STK17A: variants seen among roughly 807,000 people sequenced by gnomAD.
STK17A encodes serine/threonine kinase 17a.
STK17A carries 26 observed loss-of-function variants against 43.7 expected under a neutral mutation model. The observed-to-expected ratio is 0.60, with a 90% CI of 0.44 to 0.83. The LOEUF (loss-of-function observed/expected upper bound fraction) is 0.83. STK17A is among the 40% of genes least tolerant of loss of function. STK17A has a pLI of 0.00. For missense variants in STK17A, 476 were observed against 511.6 expected (o/e 0.93, Z 0.67); for synonymous variants, 191 against 182.5 (o/e 1.05, Z -0.38).
chr7:43,598,745 TTTG>T (rs769415761), intron 2 of STK17A, among the ~76,000 whole-genome samples: 1 of 151,904 alleles, frequency 6.6e-6, no homozygotes, highest in Non-Finnish European at 1.5e-5. Context: ...TTTAAATGTT[TTTG>T]TTGTTCTTTT....
rs74764536 is a variant in STK17A at position 43,615,083 on chromosome 7, A to G, written c.565-4514A>G. Among the ~76,000 whole-genome samples, 423 of 152,384 alleles carry G rather than the reference A, an allele frequency of 2.8e-3. 2 individuals are homozygous for G. Among genetic ancestry groups the G allele is most frequent in the African/African-American group, 9.6e-3 (399 of 41,588 alleles). On this transcript the variant is annotated intron_variant, in intron 3 of 6. Transcript: ENST00000319357. The stretch of plus-strand genomic sequence containing the variant: ...TGTACTCAAAAGGGCAAAACATTCA[A>G]TTATGAATATGTATCACTGAACCAA...
intron 3 of STK17A, 112 bp downstream of exon 3, chr7:43,608,512 A>G: frequency 1.5e-6 from 2 of 1,312,012 alleles, no homozygotes; most frequent in Non-Finnish European, 2.1e-6. Flanking sequence ...TTAGGTAACA[A>G]GGATATTAGA....
intron 3 of STK17A, among the ~76,000 whole-genome samples, chr7:43,617,941 A>C (rs2083493811): frequency 6.6e-6 from 1 of 152,222 alleles, no homozygotes; most frequent in Admixed American, 6.5e-5. Flanking sequence ...GATAACATAT[A>C]AACAAGGAAG....
At chr7:43,584,260 G>A (rs1445287467) in intron 1 of STK17A, among the ~76,000 whole-genome samples, 1 of 152,176 alleles carries the variant, frequency 6.6e-6, no homozygotes, top group African/African-American at 2.4e-5. Context: ...TCTTCCTTGA[G>A]AACAGTTTGA....
chr7:43,583,411 G>A lies in STK17A; in HGVS notation c.168G>A (p.Gln56=). 7.0e-7 allele frequency: 1 copy of A among 1,434,376 alleles called. No individual in the cohort carries two copies. Among genetic ancestry groups the A allele is most frequent in the Non-Finnish European group, 9.2e-7 (1 of 1,092,558 alleles). 88.9% of individuals were successfully genotyped at this position (1,434,376 alleles called of 1,614,324 possible). ...CCGTGGTGCGCACCGAGCCCTTCCA[G>A]GACGGCTACAGCCTGTGCCCGGGCC... ...IRAVVRTEPF[Q]DGYSLCPGRE... is the part of the protein sequence containing the mutation. Residue 56 remains glutamine, a synonymous_variant, in exon 1 of 7, where the codon CAG becomes CAA. Transcript: ENST00000319357.
rs559296227 is a variant in STK17A at position 43,623,765 on chromosome 7, A to G, written c.797A>G (p.Asn266Ser). ...ACAGGAATATCACCTTTCTTAGGCA[A>G]TGATAAACAAGAAACATTCTTAAAC... The part of the protein sequence containing the change: ...MLTGISPFLG[N>S]DKQETFLNIS... The change falls in exon 6 of 7, where the codon AAT becomes AGT. Residue 266 changes from asparagine to serine, a missense_variant. By Grantham distance (46) the Asn-to-Ser change is conservative. Transcript: ENST00000319357. 105 of 1,608,040 alleles carry G rather than the reference A, an allele frequency of 6.5e-5. 1 individual carries two copies. The highest frequency in any genetic ancestry group is 2.9e-4 in the South Asian group (26 of 89,132).
At position 43,619,582 on chromosome 7, in the gene STK17A, T is replaced by C. The variant is rs772332650; in HGVS notation, c.565-15T>C. The C allele has an allele frequency of 3.1e-6, 5 of 1,610,380 alleles. No individual in the cohort carries two copies. In the South Asian group the frequency reaches 5.5e-5, roughly 18 times the overall value. On this transcript the variant is annotated splice_polypyrimidine_tract_variant and intron_variant, in intron 3 of 6. Transcript: ENST00000319357. ...ATAGTTATATTGATTTTTGCGGGGG[T>C]GTATTTTCTTTTAGCCTCAGAATAT...
At chr7:43,605,330 C>G (rs954126694) in intron 2 of STK17A, among the ~76,000 whole-genome samples, 1 of 152,116 alleles carries the variant, frequency 6.6e-6, no homozygotes, top group South Asian at 2.1e-4. Flanking sequence ...ACTTGTAGAT[C>G]AGTTTGGTTA....
At position 43,596,480 on chromosome 7, in the gene STK17A, T is replaced by C. The variant is rs764227199; in HGVS notation, c.419+367T>C. On this transcript the variant is annotated intron_variant, in intron 2 of 6. Transcript: ENST00000319357. ...ATCTCCTTTCTTTTAGAAACAGTGG[T>C]CTTGATTCTTACTATGTTTTCAATT... 3.0e-4 allele frequency among the ~76,000 whole-genome samples: 46 copies of C among 152,344 alleles called. 1 individual carries two copies. Among genetic ancestry groups the C allele is most frequent in the Admixed American group, 4.6e-4 (7 of 15,306 alleles).
chr7:43,613,668 C>T (rs776432633), intron 3 of STK17A, among the ~76,000 whole-genome samples: 1 of 151,938 alleles, frequency 6.6e-6, no homozygotes, highest in Admixed American at 6.6e-5. Context: ...CATAGTGAGA[C>T]CTCATCTCCA....
At chr7:43,612,116 C>A (rs560867047) in intron 3 of STK17A, among the ~76,000 whole-genome samples, 2 of 152,196 alleles carry the variant, frequency 1.3e-5, no homozygotes, top group African/African-American at 4.8e-5. Flanking sequence ...AGAATTCTTT[C>A]CAGATTCAGT....
At position 43,624,684 on chromosome 7, in the gene STK17A, G is replaced by C; in HGVS notation, c.1087G>C (p.Glu363Gln). 6.2e-7 allele frequency: 1 copy of C among 1,614,040 alleles called. No individual in the cohort carries two copies. The highest frequency in any genetic ancestry group is 8.5e-7 in the Non-Finnish European group (1 of 1,179,988). Residue 363 changes from glutamate to glutamine, a missense_variant, in exon 7 of 7, where the codon GAA becomes CAA. Physicochemically the swap from Glu to Gln is conservative, Grantham distance 29. This residue lies in a region of STK17A where 110 missense variants were observed against 103.7 expected (regional missense o/e 1.06). Transcript: ENST00000319357. ...NSDTDKSETK[E>Q]SIVTEELIVV... ...GGATACCGACAAATCAGAAACCAAGGAATCCATTGTAACCGAAGAGTTAAT... is the reference window on the plus strand; with the variant it reads ...GGATACCGACAAATCAGAAACCAAGCAATCCATTGTAACCGAAGAGTTAAT...
At chr7:43,619,847 A>C (rs755796222) in intron 4 of STK17A, 124 bp downstream of exon 4, 291 of 1,281,656 alleles carry the variant, frequency 2.3e-4, no homozygotes, top group Non-Finnish European at 3.0e-4. Context: ...ACCATCAGAG[A>C]TCTATTCCTT....
At position 43,616,428 on chromosome 7, in the gene STK17A, T is replaced by C. The variant is rs190575286; in HGVS notation, c.565-3169T>C. 5.6e-4 allele frequency among the ~76,000 whole-genome samples: 85 copies of C among 152,296 alleles called. 2 individuals carry two copies. Among genetic ancestry groups the C allele is most frequent in the African/African-American group, 2.0e-3 (85 of 41,566 alleles). The stretch of plus-strand genomic sequence containing the variant: ...CATTCATTCACCCAACAAATATAAA[T>C]GTGTGGTAGGCACTGATCACAGTGA... On this transcript the variant is annotated intron_variant, in intron 3 of 6. Transcript: ENST00000319357.
Position 43,621,367 on chromosome 7 carries a change from G to A in STK17A, c.691+1644G>A, listed in dbSNP as rs577628014. Among the ~76,000 whole-genome samples, 5 of 152,322 alleles carry A rather than the reference G, an allele frequency of 3.3e-5. No individual in the cohort carries two copies. In the South Asian group the frequency reaches 1.0e-3, roughly 32 times the overall value. The stretch of plus-strand genomic sequence containing the variant: ...CCCAAGTGTTTTAGCCAAATTTAAT[G>A]GGTACCATTGTAAGCTCAAATACAC... On this transcript the variant is annotated intron_variant, in intron 4 of 6. Coordinates refer to ENST00000319357, the MANE Select transcript of STK17A (RefSeq NM_004760.3).
rs2084276615 is a variant in STK17A, at chr7:43,624,529, C to T, written c.932C>T (p.Thr311Ile). 6.2e-7 allele frequency: 1 copy of T among 1,611,812 alleles called. No individual in the cohort carries two copies. The highest frequency in any genetic ancestry group is 2.2e-5 in the East Asian group (1 of 44,842). Reference sequence around the variant, plus strand: ...ATGTATCTTTACAGAGATCGAGCCACTGCTGAAGAATGTCTAAAGCACCCC... The same window carrying T: ...ATGTATCTTTACAGAGATCGAGCCATTGCTGAAGAATGTCTAAAGCACCCC... ...LLVKKPEDRATAEECLKHPWL... is the reference protein window; with the variant it reads ...LLVKKPEDRAIAEECLKHPWL... Residue 311 changes from threonine to isoleucine, a missense_variant, in exon 7 of 7, where the codon ACT becomes ATT. This residue lies in a region of STK17A where 46 missense variants were observed against 81.6 expected (regional missense o/e 0.56). Coordinates refer to ENST00000319357, the MANE Select transcript of STK17A (RefSeq NM_004760.3).
chr7:43,606,912 TTTTC>T (rs2082597581), intron 2 of STK17A, among the ~76,000 whole-genome samples: 2 of 135,544 alleles, frequency 1.5e-5, no homozygotes, highest in Admixed American at 7.9e-5. Flanking sequence ...AGCTTTTCGA[TTTTC>T]TTTTTTTTTT....
chr7:43,616,041 A>C (rs1000608997), intron 3 of STK17A, among the ~76,000 whole-genome samples: 4 of 152,292 alleles, frequency 2.6e-5, no homozygotes, highest in South Asian at 2.1e-4. Flanking sequence ...GCAGGGCTCC[A>C]AAAGAGAGGA....
intron 1 of STK17A, among the ~76,000 whole-genome samples, chr7:43,588,298 A>G (rs1456023145): frequency 1.3e-5 from 2 of 151,532 alleles, no homozygotes; most frequent in South Asian, 2.1e-4. Context: ...ACTGCCCTGT[A>G]TGGTAAAGTG....
Sources: allele counts gnomAD v4.1 joint callset (sites outside exome capture counted in the v4.1 genomes callset), GRCh38; gene constraint gnomAD v4.1.1; regional missense constraint gnomAD v4.1.1; transcripts MANE v1.5; gene names NCBI Gene and HGNC (gene_info 2026-07-23, HGNC 2026-07-21).